PROZ: variants seen among roughly 807,000 people sequenced by gnomAD.
PROZ encodes the protein vitamin K-dependent protein Z.
Under a neutral mutation model 34.9 loss-of-function variants are expected in PROZ, and 46 were observed. The observed-to-expected ratio is 1.32, with a 90% CI of 1.04 to 1.69. The LOEUF (loss-of-function observed/expected upper bound fraction) is 1.69. Ranked by LOEUF, PROZ falls within the 40% of genes most tolerant of loss-of-function variation. The pLI is 0.00. For synonymous variants in PROZ, 195 were observed against 208.5 expected, an observed-to-expected ratio of 0.94 and a Z score of 0.56; for missense variants, 530 against 520.4, an observed-to-expected ratio of 1.02 and a Z score of -0.18.
chr13:113,166,478 C>T (rs1204543405), intron 6 of PROZ: 1 of 152,066 alleles, frequency 6.6e-6, no homozygotes, highest in Non-Finnish European at 1.5e-5. Context: ...CAGTTTCACC[C>T]GACTCTTACA....
At chr13:113,164,864 G>A (rs1261124012) in intron 5 of PROZ, 189 bp from the exon 6 acceptor site, 3 of 930,110 alleles carry the variant, frequency 3.2e-6, no homozygotes, top group East Asian at 2.6e-5. Flanking sequence ...TAAACCATGA[G>A]TGCTGTGAGG....
chr13:113,171,987 G>C lies in PROZ; in HGVS notation c.1085G>C (p.Arg362Thr). The change falls in exon 8 of 8, where the codon AGA becomes ACA. Residue 362 changes from arginine to threonine, a missense_variant. By Grantham distance (71) the Arg-to-Thr change is moderately conservative (BLOSUM62 -1). Coordinates refer to ENST00000375547, the MANE Select transcript of PROZ (RefSeq NM_003891.3). The surrounding 1 kb of genome is among the most constrained non-coding windows in gnomAD (Gnocchi z 5.1). ...GGAAGTGTGGTCACCAGAGAACACA[G>C]AGGCTCCTGGTTTCTCACGGGGGTC... is the stretch of plus-strand genomic sequence containing the variant. Reference protein sequence around the residue: ...MDGSVVTREHRGSWFLTGVLG... With the variant: ...MDGSVVTREHTGSWFLTGVLG... The C allele has an allele frequency of 6.2e-7, 1 of 1,613,394 alleles. No individual in the cohort carries two copies. The highest frequency in any genetic ancestry group is 8.5e-7 in the Non-Finnish European group (1 of 1,180,036).
chr13:113,159,256 A>G lies in PROZ; in HGVS notation c.70+526A>G. 1.3e-6 allele frequency: 2 copies of G among 1,547,770 alleles called. No individual in the cohort carries two copies. The highest frequency in any genetic ancestry group is 1.7e-6 in the Non-Finnish European group (2 of 1,144,230). ...TCTGACTCTGCCTGCACAGGCGTCCAGGAAAGCTGCAAGTCAAAACACCCA... is the reference window on the plus strand; with the variant it reads ...TCTGACTCTGCCTGCACAGGCGTCCGGGAAAGCTGCAAGTCAAAACACCCA... On this transcript the variant is annotated intron_variant, in intron 1 of 7. Transcript: ENST00000375547. The surrounding 1 kb of genome is among the most constrained non-coding windows in gnomAD (Gnocchi z 4.6).
intron 3 of PROZ, 37 bp downstream of exon 3, chr13:113,161,009 T>G: frequency 1.3e-6 from 2 of 1,584,818 alleles, no homozygotes; most frequent in Non-Finnish European, 1.7e-6. Flanking sequence ...AAGTATTAAT[T>G]CCTCGGGATG....
rs1310640035 is a variant in PROZ, at chr13:113,163,438, C to T, written c.373+316C>T. On this transcript the variant is annotated intron_variant, in intron 4 of 7. Transcript: ENST00000375547. ...ACAGGCTGGGGGGGTCACACACAGG[C>T]GTCCTCAGTGCCAGACTCCCAGTGG... 5.3e-5 allele frequency among the ~76,000 whole-genome samples: 8 copies of T among 152,230 alleles called. No individual in the cohort carries two copies. In the East Asian group the frequency reaches 9.7e-4, roughly 18 times the overall value.
At position 113,158,829 on chromosome 13, in the gene PROZ, G is replaced by A; in HGVS notation, c.70+99G>A. The A allele has an allele frequency of 8.2e-7, 1 of 1,224,144 alleles. No individual in the cohort carries two copies. The highest frequency in any genetic ancestry group is 1.2e-6 in the Non-Finnish European group (1 of 857,358). 75.8% of individuals were successfully genotyped at this position (1,224,144 alleles called of 1,614,324 possible). On this transcript the variant is annotated intron_variant, in intron 1 of 7. Coordinates refer to ENST00000375547, the MANE Select transcript of PROZ (RefSeq NM_003891.3). This position sits in a 1 kb window ranked among gnomAD's most constrained non-coding sequence, Gnocchi z 4.3. ...ATGAGGCTTTTTCCAGGAGCCAGAG[G>A]AGCCCTGAGTGCCCAGACTAGTCTT... is the stretch of plus-strand genomic sequence containing the variant.
In PROZ at chr13:113,159,031, G is replaced by T. The variant is rs1353441621; in HGVS notation, c.70+301G>T. ...GGGGAAAGGGGGAGGAGTGGGGGGA[G>T]GCCTGGGTTGGGCATTGGACGAGGG... On this transcript the variant is annotated intron_variant, in intron 1 of 7. Coordinates refer to ENST00000375547, the MANE Select transcript of PROZ (RefSeq NM_003891.3). This position sits in a 1 kb window ranked among gnomAD's most constrained non-coding sequence, Gnocchi z 4.6. 6.7e-6 allele frequency among the ~76,000 whole-genome samples: 1 copy of T among 148,602 alleles called. No individual in the cohort carries two copies. Among genetic ancestry groups the T allele is most frequent in the East Asian group, 2.0e-4 (1 of 5,006 alleles).
chr13:113,172,062 A>T lies in PROZ; in HGVS notation c.1160A>T (p.Lys387Met). Reference protein sequence around the residue: ...GGQAHMVLVTKVSRYSLWFKQ... With the variant: ...GGQAHMVLVTMVSRYSLWFKQ... ...CAGGCTCACATGGTCCTTGTCACCA[A>T]GGTCTCCAGGTACTCACTCTGGTTT... is the stretch of plus-strand genomic sequence containing the variant. The change falls in exon 8 of 8, where the codon AAG becomes ATG. Residue 387 changes from lysine to methionine, a missense_variant. Lys to Met is a moderately conservative substitution (Grantham distance 95). Transcript: ENST00000375547. 1 of 1,613,020 alleles carries T rather than the reference A, an allele frequency of 6.2e-7. No individual in the cohort carries two copies. The highest frequency in any genetic ancestry group is 8.5e-7 in the Non-Finnish European group (1 of 1,180,004).
chr13:113,164,285 C>T (rs1007506873), intron 4 of PROZ, among the ~76,000 whole-genome samples: 2 of 152,018 alleles, frequency 1.3e-5, no homozygotes, highest in Admixed American at 6.5e-5. Flanking sequence ...GCCTCACTCA[C>T]GGAGTCTTTG....
chr13:113,165,209 T>A, intron 6 of PROZ, 89 bp downstream of exon 6: 1 of 1,356,418 alleles, frequency 7.4e-7, no homozygotes, highest in Non-Finnish European at 1.0e-6. Context: ...GACAACTAAG[T>A]GAATCAGGCA....
chr13:113,170,083 C>T (rs111513576), intron 6 of PROZ, among the ~76,000 whole-genome samples: 271 of 152,298 alleles, frequency 1.8e-3, no homozygotes, highest in African/African-American at 6.0e-3. Context: ...TTGGGGATTA[C>T]GATTCCTGAA....
chr13:113,171,703 G>T lies in PROZ; in HGVS notation c.801G>T (p.Leu267=). The change falls in exon 8 of 8, where the codon CTG becomes CTT. Residue 267 remains leucine, a synonymous_variant. Transcript: ENST00000375547. The surrounding 1 kb of genome is among the most constrained non-coding windows in gnomAD (Gnocchi z 5.1). ...AGAATGACCTGTCACTGCTGGAGCT[G>T]GAGTGGCCCATCCAGTGCCCAGGTG... ...AGENDLSLLE[L]EWPIQCPGAG... is the part of the protein sequence containing the mutation. 1 of 1,613,744 alleles carries T rather than the reference G, an allele frequency of 6.2e-7. No homozygotes were observed. The highest frequency in any genetic ancestry group is 8.5e-7 in the Non-Finnish European group (1 of 1,179,864).
intron 4 of PROZ, 88 bp downstream of exon 4, chr13:113,163,210 T>C (rs1205589815): frequency 6.2e-6 from 7 of 1,131,348 alleles, no homozygotes; most frequent in Non-Finnish European, 9.1e-6. Flanking sequence ...GGGCCCCTCC[T>C]GAGGTGTAGC....
intron 3 of PROZ, 123 bp from the exon 4 acceptor site, chr13:113,162,886 C>A: frequency 1.5e-6 from 1 of 675,982 alleles, no homozygotes. Context: ...CCCGTCCCTG[C>A]TGCCACCCCC....
At chr13:113,165,344 C>T (rs930710534) in intron 6 of PROZ, among the ~76,000 whole-genome samples, 4 of 152,204 alleles carry the variant, frequency 2.6e-5, no homozygotes, top group African/African-American at 7.2e-5. Flanking sequence ...AAGACCTTTC[C>T]TCTGCAGTTC....
At chr13:113,161,823 G>A (rs865812800) in intron 3 of PROZ, among the ~76,000 whole-genome samples, 2 of 103,430 alleles carry the variant, frequency 1.9e-5, no homozygotes, top group African/African-American at 7.1e-5. Context: ...TCCTGCTCAG[G>A]TCCCCGTCCC....
intron 6 of PROZ, among the ~76,000 whole-genome samples, chr13:113,166,816 G>C (rs1371359498): frequency 1.3e-5 from 2 of 152,306 alleles, no homozygotes; most frequent in African/African-American, 4.8e-5. Context: ...GACAGGGTCT[G>C]GCTCTACCAC....
At chr13:113,170,928 CT>C (rs34930539) in intron 7 of PROZ, among the ~76,000 whole-genome samples, 27,838 of 146,266 alleles carry the variant, frequency 0.19, 2,938 homozygotes, top group South Asian at 0.43. Flanking sequence ...CTATTTCTTT[CT>C]TTTTTTTTTT....
chr13:113,164,760 G>A (rs191214887), intron 5 of PROZ, 116 bp downstream of exon 5: 69 of 1,480,298 alleles, frequency 4.7e-5, no homozygotes, highest in Admixed American at 4.2e-4. Context: ...CAGTTGCCAC[G>A]ACTCAGAAGG....
Sources: allele counts gnomAD v4.1 joint callset (sites outside exome capture counted in the v4.1 genomes callset), GRCh38; gene constraint gnomAD v4.1.1; non-coding constraint Gnocchi (gnomAD v3.1); transcripts MANE v1.5; gene names NCBI Gene and HGNC (gene_info 2026-07-23, HGNC 2026-07-21).